The following SLC14A2 variants were observed in gnomAD, a reference collection of about 807,000 sequenced individuals.
SLC14A2 encodes solute carrier family 14 member 2, also known as urea transporter 2.
A neutral mutation model predicts 104.6 loss-of-function variants in SLC14A2; 91 were observed. That is an observed-to-expected ratio of 0.87 (90% CI 0.73 to 1.04). The LOEUF (loss-of-function observed/expected upper bound fraction) is 1.04. SLC14A2 is among the 50% of genes least tolerant of loss of function. SLC14A2 has a pLI of 0.00. For synonymous variants in SLC14A2, 476 were observed against 466.4 expected, an observed-to-expected ratio of 1.02 and a Z score of -0.27; for missense variants, 1,189 against 1,156.0, an observed-to-expected ratio of 1.03 and a Z score of -0.41.
intron 2 of SLC14A2, among the ~76,000 whole-genome samples, chr18:45,581,480 T>A (rs2044491607): frequency 6.6e-6 from 1 of 151,978 alleles, no homozygotes; most frequent in Non-Finnish European, 1.5e-5. Context: ...AAGCTAGAAG[T>A]CAATGGAGAA....
chr18:45,231,730 T>C (rs1250469815), intron 1 of SLC14A2, among the ~76,000 whole-genome samples: 1 of 152,196 alleles, frequency 6.6e-6, no homozygotes, highest in Admixed American at 6.5e-5. Flanking sequence ...GAGGGGCATG[T>C]TTGGAGAATG....
intron 2 of SLC14A2, among the ~76,000 whole-genome samples, chr18:45,526,215 A>C (rs141457703): frequency 2.2e-4 from 33 of 152,290 alleles, no homozygotes; most frequent in African/African-American, 7.7e-4. Flanking sequence ...GTGACCCCTC[A>C]TGGTTTTTAG....
intron 1 of SLC14A2, among the ~76,000 whole-genome samples, chr18:45,299,941 G>T (rs1000455096): frequency 1.3e-5 from 2 of 152,132 alleles, no homozygotes; most frequent in African/African-American, 4.8e-5. Flanking sequence ...CTGGGGTGAA[G>T]ACATGCAAGG....
rs1196994249 is a variant in SLC14A2 at position 45,458,172 on chromosome 18, C to T, written c.-124-25061C>T. On this transcript the variant is annotated intron_variant, in intron 1 of 20. Coordinates refer to the SLC14A2 transcript ENST00000586448. ...GGAAGCACTGCTGCCTAGCACCTGCCATCTGCAGCCCCTAGAGTGGAGCCA... is the reference window on the plus strand; with the variant it reads ...GGAAGCACTGCTGCCTAGCACCTGCTATCTGCAGCCCCTAGAGTGGAGCCA... Among the ~76,000 whole-genome samples, 12 of 152,218 alleles carry T rather than the reference C, an allele frequency of 7.9e-5. 1 individual carries two copies. The highest frequency in any genetic ancestry group is 7.9e-4 in the Admixed American group (12 of 15,282).
intron 1 of SLC14A2, among the ~76,000 whole-genome samples, chr18:45,306,981 T>G (rs764286218): frequency 2.4e-4 from 37 of 152,160 alleles, no homozygotes; most frequent in Non-Finnish European, 4.4e-4. Context: ...AGCTCAGGAA[T>G]GCTCATGGCT....
At chr18:45,409,706 C>G (rs1426080217) in intron 1 of SLC14A2, among the ~76,000 whole-genome samples, 1 of 152,008 alleles carries the variant, frequency 6.6e-6, no homozygotes, top group Non-Finnish European at 1.5e-5. Flanking sequence ...GCAAAAAGAT[C>G]AAGTAAAAAA....
At position 45,625,667 on chromosome 18, in the gene SLC14A2, T is replaced by C. The variant is rs1027484918; in HGVS notation, c.151-16T>C. ...AAAGCTGTATCATTTGATGTCTGGT[T>C]GGTTTCTCCTAAAAGGATCTCCGGT... On this transcript the variant is annotated splice_polypyrimidine_tract_variant and intron_variant, in intron 2 of 19. Coordinates refer to ENST00000255226, the MANE Select transcript of SLC14A2 (RefSeq NM_007163.4). 2 of 1,521,860 alleles carry C rather than the reference T, an allele frequency of 1.3e-6. No individual in the cohort carries two copies. Among genetic ancestry groups the C allele is most frequent in the Non-Finnish European group, 1.8e-6 (2 of 1,139,150 alleles). 94.3% of individuals were successfully genotyped at this position (1,521,860 alleles called of 1,614,324 possible).
rs60977948 is a variant in SLC14A2 at position 45,542,035 on chromosome 18, G to GTTTTTTTTTTTTTTTTTTTTTTTT, written c.-35+58727_-35+58750dup. On this transcript the variant is annotated intron_variant, in intron 2 of 20. Transcript: ENST00000586448. ...GGGCTTGTTAGATGAAAGAGAGAGG[G>GTTTTTTTTTTTTTTTTTTTTTTTT]TTTTTTTTTTTTTTTTTTTTTTTTT... Among the ~76,000 whole-genome samples, 11 of 54,236 alleles carry GTTTTTTTTTTTTTTTTTTTTTTTT rather than the reference G, an allele frequency of 2.0e-4. 2 individuals are homozygous for GTTTTTTTTTTTTTTTTTTTTTTTT. The highest frequency in any genetic ancestry group is 3.7e-4 in the Non-Finnish European group (10 of 27,024). The allele number at this position is 54,236 out of a possible 152,430, so 35.6% of individuals were successfully genotyped here.
intron 1 of SLC14A2, among the ~76,000 whole-genome samples, chr18:45,433,199 T>G (rs184195001): frequency 1.1e-4 from 17 of 152,330 alleles, no homozygotes; most frequent in African/African-American, 3.8e-4. Flanking sequence ...TTTCCCTAAC[T>G]AAGCCTCAGT....
At chr18:45,568,695 G>A (rs1448910557) in intron 2 of SLC14A2, among the ~76,000 whole-genome samples, 2 of 152,184 alleles carry the variant, frequency 1.3e-5, no homozygotes, top group African/African-American at 4.8e-5. Flanking sequence ...GTCAGCCCAA[G>A]TCCCTGAATG....
intron 2 of SLC14A2, among the ~76,000 whole-genome samples, chr18:45,503,360 T>G (rs1344245979): frequency 1.3e-5 from 2 of 152,216 alleles, no homozygotes; most frequent in Non-Finnish European, 2.9e-5. Flanking sequence ...GGTCATCCCA[T>G]GCTCTGTGCT....
At chr18:45,250,061 G>A (rs759035141) in intron 1 of SLC14A2, among the ~76,000 whole-genome samples, 1 of 152,150 alleles carries the variant, frequency 6.6e-6, no homozygotes, top group Non-Finnish European at 1.5e-5. Context: ...CCAGATCTTG[G>A]ATTTGAAATG....
At position 45,672,915 on chromosome 18, in the gene SLC14A2, C is replaced by A. The variant is rs2046165058; in HGVS notation, c.2245C>A (p.Pro749Thr). 1 of 1,613,478 alleles carries A rather than the reference C, an allele frequency of 6.2e-7. No individual in the cohort carries two copies. The highest frequency in any genetic ancestry group is 8.5e-7 in the Non-Finnish European group (1 of 1,179,716). Residue 749 changes from proline to threonine, a missense_variant, in exon 17 of 20, where the codon CCC becomes ACC. By Grantham distance (38) the Pro-to-Thr change is conservative (BLOSUM62 -1). Coordinates refer to ENST00000255226, the MANE Select transcript of SLC14A2 (RefSeq NM_007163.4). ...ATGCCTACAGCTTTTGAGAGCCATC[C>A]CCGTTGGAATTGGCCAAGTGTACGG... ...VQVPLLLRAI[P>T]VGIGQVYGCD...
chr18:45,246,448 T>A (rs909919565), intron 1 of SLC14A2, among the ~76,000 whole-genome samples: 8 of 152,154 alleles, frequency 5.3e-5, no homozygotes. Flanking sequence ...ATAATACATA[T>A]TTTATATAGT....
rs73953173 is a variant in SLC14A2 at position 45,388,541 on chromosome 18, G to T, written c.-124-94692G>T. On this transcript the variant is annotated intron_variant, in intron 1 of 20. Coordinates refer to the SLC14A2 transcript ENST00000586448. ...TTCCTGGTATCTAGGGCTATTTTTC[G>T]TCTGTTCTCTTCAGTGCCCCAAGAT... Among the ~76,000 whole-genome samples the T allele has an allele frequency of 7.8e-3, 1,182 of 152,028 alleles. 14 individuals carry two copies. The highest frequency in any genetic ancestry group is 0.026 in the African/African-American group (1,087 of 41,472).
At chr18:45,382,385 G>T (rs1419349477) in intron 1 of SLC14A2, among the ~76,000 whole-genome samples, 1 of 152,254 alleles carries the variant, frequency 6.6e-6, no homozygotes, top group South Asian at 2.1e-4. Flanking sequence ...TATAATGGGG[G>T]TCAAGGACAA....
At chr18:45,256,084 G>C (rs1043449223) in intron 1 of SLC14A2, among the ~76,000 whole-genome samples, 2 of 152,160 alleles carry the variant, frequency 1.3e-5, no homozygotes, top group African/African-American at 4.8e-5. Context: ...TTCTGGAGGT[G>C]CCGGAACAAA....
intron 2 of SLC14A2, among the ~76,000 whole-genome samples, chr18:45,571,895 T>C (rs765245500): frequency 4.6e-5 from 7 of 152,224 alleles, no homozygotes; most frequent in African/African-American, 9.6e-5. Flanking sequence ...TATCTGTACC[T>C]ACAGTTATAC....
At chr18:45,553,494 T>C (rs2044084343) in intron 2 of SLC14A2, among the ~76,000 whole-genome samples, 1 of 152,112 alleles carries the variant, frequency 6.6e-6, no homozygotes, top group Admixed American at 6.5e-5. Flanking sequence ...TGATCCATAG[T>C]TGAGATTTGA....
Sources: gnomAD v4.1 joint callset for allele counts (sites outside exome capture counted in the v4.1 genomes callset) on GRCh38, gnomAD v4.1.1 for gene constraint, MANE v1.5 for transcripts, NCBI Gene and HGNC (gene_info 2026-07-23, HGNC 2026-07-21) for gene names.